The following GABRG3 variants were observed in gnomAD, a reference collection of about 807,000 sequenced individuals.
The protein encoded by GABRG3 is gamma-aminobutyric acid receptor subunit gamma-3.
GABRG3 carries 25 observed loss-of-function variants against 48.8 expected under a neutral mutation model. The observed-to-expected ratio is 0.51, with a 90% CI of 0.37 to 0.72. The LOEUF is 0.72. Among genes scored for constraint, GABRG3 ranks in the 30% least tolerant of loss-of-function variants. GABRG3 has a pLI of 0.00. For missense variants in GABRG3, 394 were observed against 577.9 expected, an observed-to-expected ratio of 0.68 and a Z score of 3.26; for synonymous variants, 227 against 217.6, an observed-to-expected ratio of 1.04 and a Z score of -0.38.
intron 3 of GABRG3, among the ~76,000 whole-genome samples, chr15:27,312,179 G>A (rs928763812): frequency 6.6e-6 from 1 of 152,166 alleles, no homozygotes; most frequent in African/African-American, 2.4e-5. Context: ...CACTTGAGGG[G>A]TTTAACAGCA....
chr15:27,057,928 T>C (rs1896578748), intron 3 of GABRG3, among the ~76,000 whole-genome samples: 2 of 152,222 alleles, frequency 1.3e-5, no homozygotes, highest in Non-Finnish European at 2.9e-5. Context: ...GATGTGTGCA[T>C]TGGCCTCTGC....
At chr15:27,221,953 G>A (rs1889467634) in intron 3 of GABRG3, among the ~76,000 whole-genome samples, 1 of 152,152 alleles carries the variant, frequency 6.6e-6, no homozygotes, top group Admixed American at 6.5e-5. Flanking sequence ...TTTAGTTTGA[G>A]GATAGCAGGT....
chr15:27,031,502 G>C (rs1263738180), intron 3 of GABRG3, among the ~76,000 whole-genome samples: 1 of 152,164 alleles, frequency 6.6e-6, no homozygotes, highest in African/African-American at 2.4e-5. Context: ...AAGACTTGTA[G>C]CGAGCCACTG....
At chr15:27,515,426 G>C (rs1890996327) in intron 6 of GABRG3, among the ~76,000 whole-genome samples, 2 of 152,142 alleles carry the variant, frequency 1.3e-5, no homozygotes, top group Admixed American at 1.3e-4. Flanking sequence ...GTAATAAAGA[G>C]AAGAAAAAGA....
chr15:27,373,763 T>C (rs1895491619), intron 5 of GABRG3, among the ~76,000 whole-genome samples: 1 of 152,174 alleles, frequency 6.6e-6, no homozygotes, highest in African/African-American at 2.4e-5. Flanking sequence ...CTCCGGATGA[T>C]TTATGATTAA....
chr15:27,290,291 T>G (rs1891753698), intron 3 of GABRG3, among the ~76,000 whole-genome samples: 1 of 151,226 alleles, frequency 6.6e-6, no homozygotes, highest in African/African-American at 2.4e-5. Flanking sequence ...TACAGAAAAA[T>G]TTCAAATGAT....
intron 3 of GABRG3, among the ~76,000 whole-genome samples, chr15:27,041,830 G>A (rs1896281422): frequency 6.6e-6 from 1 of 152,126 alleles, no homozygotes; most frequent in Non-Finnish European, 1.5e-5. Flanking sequence ...CAAGAGGAGA[G>A]GTGCCATCAG....
At chr15:27,030,087 A>G (rs1035842612) in intron 3 of GABRG3, among the ~76,000 whole-genome samples, 1 of 152,216 alleles carries the variant, frequency 6.6e-6, no homozygotes. Context: ...GCAATAAAAA[A>G]GGATATAAGA....
At chr15:27,177,155 ACTGT>A (rs1311266193) in intron 3 of GABRG3, among the ~76,000 whole-genome samples, 1 of 152,130 alleles carries the variant, frequency 6.6e-6, no homozygotes, top group African/African-American at 2.4e-5. Context: ...GAGTGGCAAC[ACTGT>A]CTTTGTGTGC....
chr15:27,364,192 T>G (rs1895116184), intron 5 of GABRG3: 1 of 152,176 alleles, frequency 6.6e-6, no homozygotes, highest in Non-Finnish European at 1.5e-5. Context: ...CTCCTTCTGG[T>G]TTTATATATT....
At chr15:27,099,560 G>C (rs1388203284) in intron 3 of GABRG3, among the ~76,000 whole-genome samples, 1 of 152,096 alleles carries the variant, frequency 6.6e-6, no homozygotes, top group Non-Finnish European at 1.5e-5. Context: ...ATCTCCAAAT[G>C]CAATGACACT....
chr15:27,372,178 T>C (rs1448491555), intron 5 of GABRG3, among the ~76,000 whole-genome samples: 2 of 152,152 alleles, frequency 1.3e-5, no homozygotes, highest in East Asian at 1.9e-4. Context: ...TATATATCAC[T>C]ATTATTCTGA....
intron 5 of GABRG3, among the ~76,000 whole-genome samples, chr15:27,458,927 C>T (rs929711692): frequency 2.0e-5 from 3 of 152,200 alleles, no homozygotes; most frequent in Admixed American, 6.5e-5. Flanking sequence ...GTCTCTGTCC[C>T]GTCTCCGGCA....
chr15:27,398,382 C>T (rs1887378433), intron 5 of GABRG3, among the ~76,000 whole-genome samples: 1 of 152,136 alleles, frequency 6.6e-6, no homozygotes, highest in African/African-American at 2.4e-5. Context: ...TATTTACTCT[C>T]ATGCGACATA....
chr15:27,374,424 C>G (rs1053087532), intron 5 of GABRG3, among the ~76,000 whole-genome samples: 7 of 152,068 alleles, frequency 4.6e-5, no homozygotes, highest in African/African-American at 1.7e-4. Context: ...CACCACGGCA[C>G]CAGTGAATTT....
intron 5 of GABRG3, among the ~76,000 whole-genome samples, chr15:27,477,000 A>G (rs1021099329): frequency 2.0e-5 from 3 of 152,222 alleles, no homozygotes; most frequent in African/African-American, 7.2e-5. Context: ...AGCCATTAAG[A>G]ATATTAGATC....
At chr15:27,492,372 T>A (rs1288941312) in intron 6 of GABRG3, among the ~76,000 whole-genome samples, 2 of 152,200 alleles carry the variant, frequency 1.3e-5, no homozygotes, top group Non-Finnish European at 2.9e-5. Flanking sequence ...TTCAAAAGAA[T>A]CTGAAGATGA....
At chr15:27,212,492 A>C (rs2140435556) in intron 3 of GABRG3, among the ~76,000 whole-genome samples, 1 of 152,294 alleles carries the variant, frequency 6.6e-6, no homozygotes, top group East Asian at 1.9e-4. Flanking sequence ...AATCCTTTAC[A>C]CTATTATTTT....
intron 2 of GABRG3, among the ~76,000 whole-genome samples, chr15:26,984,378 G>A (rs9920707): frequency 0.3 from 45,225 of 152,070 alleles, 8,254 homozygotes; most frequent in Middle Eastern, 0.48. Context: ...AAATAGATGG[G>A]ATTTAATAGA....
Sources: gnomAD v4.1 joint callset for allele counts (sites outside exome capture counted in the v4.1 genomes callset) on GRCh38, gnomAD v4.1.1 for gene constraint, MANE v1.5 for transcripts, NCBI Gene and HGNC (gene_info 2026-07-23, HGNC 2026-07-21) for gene names.